Variants in RARB observed in about 807,000 individuals in gnomAD.
RARB encodes the protein retinoic acid receptor beta, also known as HBV-activated protein.
Under a neutral mutation model 51.9 loss-of-function variants are expected in RARB, and 17 were observed. The ratio of observed to expected loss-of-function variants is 0.33; its 90% CI spans 0.22 to 0.49. RARB has a LOEUF of 0.49. Among genes scored for constraint, RARB ranks in the 20% least tolerant of loss-of-function variants. The pLI is 0.99. For synonymous variants in RARB, 215 were observed against 195.4 expected, an observed-to-expected ratio of 1.10 and a Z score of -0.84; for missense variants, 369 against 550.8, an observed-to-expected ratio of 0.67 and a Z score of 3.30.
At chr3:25,238,073 T>C (rs1702344086) in intron 5 of RARB, among the ~76,000 whole-genome samples, 1 of 152,208 alleles carries the variant, frequency 6.6e-6, no homozygotes, top group Admixed American at 6.5e-5. Flanking sequence ...TACCTTCTTC[T>C]GTCAAACATT....
At chr3:24,945,492 A>G (rs1382438769) in intron 2 of RARB, among the ~76,000 whole-genome samples, 1 of 152,194 alleles carries the variant, frequency 6.6e-6, no homozygotes, top group Non-Finnish European at 1.5e-5. Context: ...GGGCCCACCT[A>G]TTTAGCTCTT....
chr3:25,488,149 C>T (rs1575451491), intron 2 of RARB, among the ~76,000 whole-genome samples: 2 of 152,296 alleles, frequency 1.3e-5, no homozygotes, highest in Admixed American at 1.3e-4. Flanking sequence ...AGAGGTGGTT[C>T]AGATCTTTGG....
upstream of RARB, among the ~76,000 whole-genome samples, chr3:25,423,349 C>T (rs1417534498): frequency 1.3e-5 from 2 of 152,176 alleles, no homozygotes; most frequent in Admixed American, 1.3e-4. Context: ...AAATGAAATG[C>T]AGTGCATTGA....
chr3:25,401,144 G>A (rs1200932353), intron 5 of RARB, among the ~76,000 whole-genome samples: 1 of 152,146 alleles, frequency 6.6e-6, no homozygotes. Flanking sequence ...TTTAGGAGGA[G>A]AGGCTGTGGA....
chr3:24,830,589 G>A (rs1702266658), intron 1 of RARB, among the ~76,000 whole-genome samples: 1 of 151,472 alleles, frequency 6.6e-6, no homozygotes, highest in African/African-American at 2.4e-5. Context: ...CAGAGGCGAA[G>A]TGATGGTCGC....
At chr3:25,461,967 C>T (rs1367279851) in intron 2 of RARB, among the ~76,000 whole-genome samples, 1 of 152,206 alleles carries the variant, frequency 6.6e-6, no homozygotes, top group African/African-American at 2.4e-5. Context: ...CTCTTTAGAA[C>T]ATGCCGTCTG....
At chr3:25,328,038 A>T (rs1704777478) in intron 5 of RARB, among the ~76,000 whole-genome samples, 1 of 152,256 alleles carries the variant, frequency 6.6e-6, no homozygotes, top group Non-Finnish European at 1.5e-5. Flanking sequence ...AAGAATTATA[A>T]ATATTTCTAA....
chr3:24,888,362 A>G (rs1703303831), intron 2 of RARB, among the ~76,000 whole-genome samples: 1 of 152,162 alleles, frequency 6.6e-6, no homozygotes, highest in South Asian at 2.1e-4. Context: ...GTGGGTATTA[A>G]TGGTAGGAGC....
At chr3:25,358,235 T>C (rs1192167109) in intron 5 of RARB, among the ~76,000 whole-genome samples, 1 of 152,178 alleles carries the variant, frequency 6.6e-6, no homozygotes, top group African/African-American at 2.4e-5. Context: ...TTATTCTCTT[T>C]GTAGCAATTA....
At chr3:24,908,096 T>A (rs1694906689) in intron 2 of RARB, among the ~76,000 whole-genome samples, 1 of 152,146 alleles carries the variant, frequency 6.6e-6, no homozygotes, top group Admixed American at 6.5e-5. Flanking sequence ...GTATAAGTGC[T>A]GTACCAAGCA....
chr3:24,870,019 GT>G (rs1702918701), intron 2 of RARB, among the ~76,000 whole-genome samples: 1 of 151,948 alleles, frequency 6.6e-6, no homozygotes, highest in African/African-American at 2.4e-5. Flanking sequence ...TTCATGTTCA[GT>G]GAACATTTAC....
intron 2 of RARB, among the ~76,000 whole-genome samples, chr3:24,893,295 G>T (rs1344451886): frequency 6.6e-6 from 1 of 152,146 alleles, no homozygotes; most frequent in African/African-American, 2.4e-5. Flanking sequence ...TTTATATTTG[G>T]TTACATGGGT....
chr3:25,231,928 T>A (rs988949975), intron 5 of RARB, among the ~76,000 whole-genome samples: 2 of 150,542 alleles, frequency 1.3e-5, no homozygotes, highest in African/African-American at 4.8e-5. Context: ...CTCAATATAT[T>A]TTTTTTTCTT....
chr3:24,982,017 C>A (rs1031516278), intron 2 of RARB, among the ~76,000 whole-genome samples: 4 of 152,222 alleles, frequency 2.6e-5, no homozygotes, highest in Non-Finnish European at 5.9e-5. Context: ...AATCTTGGCT[C>A]TGACTTGGGC....
chr3:25,233,299 A>G (rs1158341379), intron 5 of RARB, among the ~76,000 whole-genome samples: 2 of 152,098 alleles, frequency 1.3e-5, no homozygotes, highest in East Asian at 3.9e-4. Context: ...TGAACATATT[A>G]TAGGTTTATC....
At chr3:24,970,360 G>A (rs993822021) in intron 2 of RARB, among the ~76,000 whole-genome samples, 8 of 151,956 alleles carry the variant, frequency 5.3e-5, no homozygotes, top group African/African-American at 1.9e-4. Context: ...TCTGGAATGT[G>A]GTGCCATCCA....
At chr3:25,072,217 G>T (rs925103182) in intron 3 of RARB, among the ~76,000 whole-genome samples, 1 of 152,192 alleles carries the variant, frequency 6.6e-6, no homozygotes, top group African/African-American at 2.4e-5. Context: ...AGGAAAATAA[G>T]TTTAATAACA....
At chr3:25,344,505 A>G (rs921561642) in intron 5 of RARB, among the ~76,000 whole-genome samples, 1 of 152,216 alleles carries the variant, frequency 6.6e-6, no homozygotes, top group African/African-American at 2.4e-5. Flanking sequence ...TGAGTCAGGA[A>G]TGGGCCTACA....
At chr3:25,357,476 A>T (rs1055740564) in intron 5 of RARB, among the ~76,000 whole-genome samples, 1 of 152,136 alleles carries the variant, frequency 6.6e-6, no homozygotes, top group African/African-American at 2.4e-5. Context: ...GTTCACTCTG[A>T]TGATAGTTTC....
Sources: allele counts gnomAD v4.1 joint callset (sites outside exome capture counted in the v4.1 genomes callset), GRCh38; gene constraint gnomAD v4.1.1; transcripts MANE v1.5; gene names NCBI Gene and HGNC (gene_info 2026-07-23, HGNC 2026-07-21).